MEP1B: variants seen among roughly 807,000 people sequenced by gnomAD.
MEP1B encodes N-benzoyl-L-tyrosyl-P-amino-benzoic acid hydrolase subunit beta.
In MEP1B, 80 loss-of-function variants were observed where a neutral mutation model predicts 84.6. The observed-to-expected ratio is 0.95, with a 90% CI of 0.79 to 1.14. The LOEUF (loss-of-function observed/expected upper bound fraction) is 1.14, where lower values mean the gene tolerates loss of function less well. Among genes scored for constraint, MEP1B ranks in the 50% most tolerant of loss-of-function variants. The pLI, the probability that MEP1B is intolerant of heterozygous loss-of-function variation, is 0.00. For synonymous variants in MEP1B, 273 were observed against 288.1 expected (o/e 0.95, Z 0.53); for missense variants, 766 against 855.1 (o/e 0.90, Z 1.30).
chr18:32,196,685 G>A lies in MEP1B; in HGVS notation c.250+1200G>A, dbSNP rs1255441227. On this transcript the variant is annotated intron_variant, in intron 5 of 14. Coordinates refer to ENST00000269202, the MANE Select transcript of MEP1B (RefSeq NM_005925.3). This position sits in a 1 kb window ranked among gnomAD's most constrained non-coding sequence, Gnocchi z 4.4. Reference sequence around the variant, plus strand: ...GTGTCTTCCCCAAGCACCAGCGCATGAGGTAGTGGGCGCCCTGCAGCAGGC... The same window carrying A: ...GTGTCTTCCCCAAGCACCAGCGCATAAGGTAGTGGGCGCCCTGCAGCAGGC... The A allele has an allele frequency of 1.2e-5, 8 of 652,730 alleles. No individual in the cohort carries two copies. The highest frequency in any genetic ancestry group is 5.6e-6 in the Non-Finnish European group (2 of 357,678). The allele number at this position is 652,730 out of a possible 1,614,324, so 40.4% of individuals were successfully genotyped here.
At chr18:32,214,957 G>A in intron 11 of MEP1B, 125 bp from the exon 12 acceptor site, 1 of 695,656 alleles carries the variant, frequency 1.4e-6, no homozygotes, top group Non-Finnish European at 2.5e-6. Context: ...TACATCACAG[G>A]TCAATAGCAT....
Position 32,217,685 on chromosome 18 carries a change from A to T in MEP1B, c.1887-76A>T, listed in dbSNP as rs147658704. ...TTGGTGATCAAATAGACTAAAGGTG[A>T]TCCACATCTTTAACTGTGAAGATTT... On this transcript the variant is annotated intron_variant, in intron 13 of 14. Coordinates refer to ENST00000269202, the MANE Select transcript of MEP1B (RefSeq NM_005925.3). 1.2e-4 allele frequency: 142 copies of T among 1,188,338 alleles called. No homozygotes were observed. The African/African-American group carries it at 2.1e-3, about 17-fold the overall frequency. The allele number at this position is 1,188,338 out of a possible 1,614,324, so 73.6% of individuals were successfully genotyped here.
At chr18:32,209,084 G>C (rs1178507230) in intron 9 of MEP1B, among the ~76,000 whole-genome samples, 1 of 152,166 alleles carries the variant, frequency 6.6e-6, no homozygotes, top group Admixed American at 6.5e-5. Context: ...TAAGGGAAAG[G>C]TTCCCTAATG....
In MEP1B at chr18:32,213,433, G is replaced by A; in HGVS notation, c.1453G>A (p.Asp485Asn). 1 of 1,613,900 alleles carries A rather than the reference G, an allele frequency of 6.2e-7. No homozygotes were observed. Among genetic ancestry groups the A allele is most frequent in the Non-Finnish European group, 8.5e-7 (1 of 1,179,826 alleles). ...IYFHLISGAN[D>N]DQLQWPCPWQ... ...TTTCCACTTGATCTCTGGAGCCAAT[G>A]ATGATCAATTACAGTGGCCATGTCC... Residue 485 changes from aspartate to asparagine, a missense_variant, in exon 11 of 15, where the codon GAT (aspartate) becomes AAT (asparagine). By Grantham distance (23) the Asp-to-Asn change is conservative. Coordinates refer to ENST00000269202, the MANE Select transcript of MEP1B (RefSeq NM_005925.3).
At chr18:32,207,208 G>A (rs2040974326) in intron 7 of MEP1B, 44 bp from the exon 8 acceptor site, 5 of 1,341,632 alleles carry the variant, frequency 3.7e-6, no homozygotes, top group Non-Finnish European at 5.3e-6. Context: ...AAGATAAGCT[G>A]AATTTTGTGA....
In MEP1B at chr18:32,218,029, G is replaced by C. The variant is rs944554348; in HGVS notation, c.2091+64G>C. The C allele has an allele frequency of 1.3e-5, 20 of 1,487,222 alleles. No individual in the cohort carries two copies. The African/African-American group carries it at 2.2e-4, about 16-fold the overall frequency. 92.1% of individuals were successfully genotyped at this position (1,487,222 alleles called of 1,614,324 possible). A position where few individuals can be genotyped will look rare whatever the true frequency, so the allele number is the denominator to read the frequency against. On this transcript the variant is annotated intron_variant, in intron 14 of 14. Coordinates refer to ENST00000269202, the MANE Select transcript of MEP1B (RefSeq NM_005925.3). Reference sequence around the variant, plus strand: ...GGTGAAATCTTATGGAGAGGAACTAGGACATTTTTTATATACTTTGGTTCT... The same window carrying C: ...GGTGAAATCTTATGGAGAGGAACTACGACATTTTTTATATACTTTGGTTCT...
At chr18:32,220,100 C>T (rs2041135044) in intron 14 of MEP1B, 131 bp from the exon 15 acceptor site, 1 of 777,690 alleles carries the variant, frequency 1.3e-6, no homozygotes, top group Non-Finnish European at 2.1e-6. Context: ...GAGCCATTGC[C>T]AGCTAGGAGG....
intron 1 of MEP1B, among the ~76,000 whole-genome samples, chr18:32,190,814 A>T (rs77900526): frequency 6.6e-6 from 1 of 152,108 alleles, no homozygotes; most frequent in Admixed American, 6.5e-5. Context: ...TTCCTCTATG[A>T]GTGTATGCCT....
intron 4 of MEP1B, among the ~76,000 whole-genome samples, chr18:32,193,806 T>C (rs976938089): frequency 6.6e-6 from 1 of 152,178 alleles, no homozygotes; most frequent in Non-Finnish European, 1.5e-5. Flanking sequence ...GGCTTAGTCC[T>C]GAGCCTACTC....
At chr18:32,204,414 T>A (rs1047868579) in intron 7 of MEP1B, 54 bp downstream of exon 7, 1 of 1,431,148 alleles carries the variant, frequency 7.0e-7, no homozygotes, top group Non-Finnish European at 9.6e-7. Flanking sequence ...TTTCTAAGCA[T>A]GTGTCCTCTC....
intron 5 of MEP1B, among the ~76,000 whole-genome samples, chr18:32,197,405 G>GT (rs34303503): frequency 0.74 from 105,869 of 142,142 alleles, 39,640 homozygotes; most frequent in East Asian, 0.88. Flanking sequence ...TTTCATTTTT[G>GT]TTTTTTTTTT....
Position 32,213,226 on chromosome 18 carries a change from T to C in MEP1B, c.1246T>C (p.Ser416Pro). Residue 416 changes from serine to proline, a missense_variant, in exon 11 of 15, where the codon TCT becomes CCT. Physicochemically the swap from Ser to Pro is moderately conservative, Grantham distance 74 (BLOSUM62 -1). Transcript: ENST00000269202. ...CTCTGGTGCATCACTGGGTGGTCTG[T>C]CTATTGATGACATCAATCTTTCGGA... is the stretch of plus-strand genomic sequence containing the variant. ...KGSGASLGGL[S>P]IDDINLSETR... 1 of 1,613,958 alleles carries C rather than the reference T, an allele frequency of 6.2e-7. No individual in the cohort carries two copies. Among genetic ancestry groups the C allele is most frequent in the Non-Finnish European group, 8.5e-7 (1 of 1,179,822 alleles).
At position 32,212,455 on chromosome 18, in the gene MEP1B, A is replaced by C. The variant is rs563237149; in HGVS notation, c.1136-661A>C. ...TCTTATTTGAGTATGTGATATAAGA[A>C]AATCAGACAGAATGGCATATTATGT... is the stretch of plus-strand genomic sequence containing the variant. On this transcript the variant is annotated intron_variant, in intron 10 of 14. Coordinates refer to ENST00000269202, the MANE Select transcript of MEP1B (RefSeq NM_005925.3). Among the ~76,000 whole-genome samples, 3 of 152,328 alleles carry C rather than the reference A, an allele frequency of 2.0e-5. No individual in the cohort carries two copies. In the South Asian group the frequency reaches 6.2e-4, roughly 32 times the overall value.
chr18:32,203,019 C>CAGACTTAGTCTTAGA lies in MEP1B; in HGVS notation c.368+21_368+22insAGAAGACTTAGTCTT. 6.6e-7 allele frequency: 1 copy of CAGACTTAGTCTTAGA among 1,507,094 alleles called. No homozygotes were observed. Among genetic ancestry groups the CAGACTTAGTCTTAGA allele is most frequent in the Non-Finnish European group, 9.2e-7 (1 of 1,088,010 alleles). The allele number at this position is 1,507,094 out of a possible 1,614,324, so 93.4% of individuals were successfully genotyped here. A position where few individuals can be genotyped will look rare whatever the true frequency, so the allele number is the denominator to read the frequency against. ...GTGTTCAAGGGCAGTGGGTAAGTTG[C>CAGACTTAGTCTTAGA]AGACTTAGTCTTCTAAGGCATCTAA... On this transcript the variant is annotated intron_variant, in intron 6 of 14. Transcript: ENST00000269202.
intron 9 of MEP1B, among the ~76,000 whole-genome samples, chr18:32,208,800 C>T (rs778934880): frequency 3.9e-5 from 6 of 152,158 alleles, no homozygotes; most frequent in East Asian, 1.9e-4. Flanking sequence ...CAAATTTTTA[C>T]GTATTTGCTT....
intron 11 of MEP1B, among the ~76,000 whole-genome samples, chr18:32,214,727 T>C (rs181960419): frequency 6.6e-6 from 1 of 152,340 alleles, no homozygotes; most frequent in African/African-American, 2.4e-5. Flanking sequence ...GTAAAAGGAC[T>C]CTCTTAGTAG....
chr18:32,197,625 G>A (rs917002072), intron 5 of MEP1B, among the ~76,000 whole-genome samples: 4 of 152,112 alleles, frequency 2.6e-5, no homozygotes, highest in Non-Finnish European at 2.9e-5. Flanking sequence ...TCACCATGTC[G>A]TACAGGCTGG....
chr18:32,200,575 G>A (rs1159701325), intron 5 of MEP1B, among the ~76,000 whole-genome samples: 1 of 152,092 alleles, frequency 6.6e-6, no homozygotes, highest in Non-Finnish European at 1.5e-5. Context: ...CACTCTTACA[G>A]GTAGCAAAAA....
intron 14 of MEP1B, among the ~76,000 whole-genome samples, chr18:32,218,609 A>G (rs995887475): frequency 6.6e-6 from 1 of 152,200 alleles, no homozygotes. Context: ...CTCCTGGAAC[A>G]CGTATAATAG....
Sources: gnomAD v4.1 joint callset for allele counts (sites outside exome capture counted in the v4.1 genomes callset) on GRCh38, gnomAD v4.1.1 for gene constraint, Gnocchi (gnomAD v3.1) non-coding constraint, MANE v1.5 for transcripts, NCBI Gene and HGNC (gene_info 2026-07-23, HGNC 2026-07-21) for gene names.